Variants in LRP1B observed in about 807,000 individuals in gnomAD.
The protein encoded by LRP1B is LDL receptor related protein 1B, also known as low-density lipoprotein receptor-related protein 1B.
LRP1B carries 217 observed loss-of-function variants against 556.6 expected under a neutral mutation model. The ratio of observed to expected loss-of-function variants is 0.39; its 90% confidence interval spans 0.35 to 0.44. The LOEUF is 0.44. Ranked by LOEUF, LRP1B falls within the 20% of genes least tolerant of loss-of-function variation. The pLI is 1.00. For missense variants in LRP1B, 5,053 were observed against 5,620.8 expected, an observed-to-expected ratio of 0.90 and a Z score of 3.23; for synonymous variants, 2,047 against 1,865.8, an observed-to-expected ratio of 1.10 and a Z score of -2.50.
chr2:141,902,826 T>C (rs1286785948), intron 1 of LRP1B, among the ~76,000 whole-genome samples: 1 of 152,004 alleles, frequency 6.6e-6, no homozygotes, highest in Admixed American at 6.6e-5. Flanking sequence ...TTATTAAAAC[T>C]CTGCAGTAAC....
intron 35 of LRP1B, among the ~76,000 whole-genome samples, chr2:140,725,200 T>C (rs1396010175): frequency 6.6e-6 from 1 of 152,226 alleles, no homozygotes; most frequent in Non-Finnish European, 1.5e-5. Flanking sequence ...CAAAAATTAC[T>C]CTTTTAAAGA....
intron 12 of LRP1B, among the ~76,000 whole-genome samples, chr2:141,017,886 A>G (rs1265983410): frequency 6.6e-6 from 1 of 151,844 alleles, no homozygotes; most frequent in African/African-American, 2.4e-5. Context: ...AATTCCAGCT[A>G]GTCTCAAAGC....
chr2:141,579,533 T>C (rs1005715827), intron 2 of LRP1B, among the ~76,000 whole-genome samples: 1 of 152,080 alleles, frequency 6.6e-6, no homozygotes, highest in Non-Finnish European at 1.5e-5. Flanking sequence ...ATTGCATTAA[T>C]ATGGCATGTA....
At chr2:140,809,492 T>G (rs1108599) in intron 32 of LRP1B, among the ~76,000 whole-genome samples, 1,534 of 152,312 alleles carry the variant, frequency 0.01, 23 homozygotes, top group African/African-American at 0.036. Context: ...ACTCAGATCC[T>G]ACTTAACATT....
intron 79 of LRP1B, among the ~76,000 whole-genome samples, chr2:140,327,333 C>T (rs927494312): frequency 2.6e-5 from 4 of 152,158 alleles, no homozygotes; most frequent in African/African-American, 7.2e-5. Flanking sequence ...CACATGTAAT[C>T]GAACTAAATA....
intron 41 of LRP1B, among the ~76,000 whole-genome samples, chr2:140,605,804 A>G (rs1034374310): frequency 1.3e-5 from 2 of 152,036 alleles, no homozygotes; most frequent in Admixed American, 6.6e-5. Context: ...ACAAAATTCA[A>G]TAACCTTTCA....
chr2:141,083,169 A>T (rs1489977358), intron 7 of LRP1B, among the ~76,000 whole-genome samples: 2 of 152,228 alleles, frequency 1.3e-5, no homozygotes, highest in African/African-American at 4.8e-5. Context: ...AGTCTCCATG[A>T]ATCTTTCATC....
chr2:141,122,016 TA>T (rs1402606119), intron 7 of LRP1B, among the ~76,000 whole-genome samples: 1 of 152,140 alleles, frequency 6.6e-6, no homozygotes, highest in East Asian at 1.9e-4. Flanking sequence ...ATTCCCTATT[TA>T]ATAAATGGTC....
chr2:142,066,614 CCTA>C (rs766688598), intron 1 of LRP1B, among the ~76,000 whole-genome samples: 4 of 151,378 alleles, frequency 2.6e-5, no homozygotes, highest in African/African-American at 4.8e-5. Flanking sequence ...GTATGTTTTC[CCTA>C]CCACACTCTT....
intron 1 of LRP1B, among the ~76,000 whole-genome samples, chr2:142,084,975 T>A (rs1705859056): frequency 1.3e-5 from 2 of 152,214 alleles, no homozygotes; most frequent in African/African-American, 4.8e-5. Flanking sequence ...TTACAATCTG[T>A]CAATGGTTCC....
At chr2:140,429,728 C>T (rs1243156870) in intron 66 of LRP1B, among the ~76,000 whole-genome samples, 5 of 152,142 alleles carry the variant, frequency 3.3e-5, no homozygotes, top group Non-Finnish European at 5.9e-5. Flanking sequence ...ACCCTGTAGC[C>T]TTTCTGTCCA....
chr2:140,600,767 GTTTTTTT>G (rs61336155), intron 42 of LRP1B, among the ~76,000 whole-genome samples: 24 of 56,908 alleles, frequency 4.2e-4, no homozygotes, highest in Middle Eastern at 0.011. Flanking sequence ...GTTCTTCGGG[GTTTTTTT>G]TTTTTTTTTT....
chr2:140,539,421 G>T, intron 45 of LRP1B, among the ~76,000 whole-genome samples: 1 of 152,088 alleles, frequency 6.6e-6, no homozygotes, highest in East Asian at 1.9e-4. Context: ...ACAACAGATT[G>T]TGAGCTCTGG....
chr2:141,189,524 C>T (rs954734823), intron 6 of LRP1B, among the ~76,000 whole-genome samples: 13 of 152,078 alleles, frequency 8.5e-5, no homozygotes, highest in African/African-American at 2.4e-4. Context: ...GTAACTGCTG[C>T]TAATAGGAGT....
Position 141,056,205 on chromosome 2 carries a change from T to C in LRP1B, c.1409-946A>G, listed in dbSNP as rs117813837. ...TTTACTAATTTTTTCCTGCCAAGAG[T>C]GTTATTGTTATTTTCCAACCTGACT... On this transcript the variant is annotated intron_variant, in intron 9 of 90. Transcript: ENST00000389484. 1.8e-3 allele frequency among the ~76,000 whole-genome samples: 273 copies of C among 151,884 alleles called. 4 individuals are homozygous for C. Among genetic ancestry groups the C allele is most frequent in the East Asian group, 0.015 (78 of 5,108 alleles).
chr2:141,540,597 A>T (rs970388412), intron 2 of LRP1B, among the ~76,000 whole-genome samples: 4 of 152,044 alleles, frequency 2.6e-5, no homozygotes, highest in African/African-American at 7.2e-5. Context: ...GGGCAACGTG[A>T]TTGTAAAATG....
intron 2 of LRP1B, among the ~76,000 whole-genome samples, chr2:141,737,984 A>G (rs2105533959): frequency 6.6e-6 from 1 of 152,244 alleles, no homozygotes; most frequent in African/African-American, 2.4e-5. Context: ...AAATTCAGTT[A>G]GAAGAACTGT....
chr2:140,695,352 TG>T (rs1384904608), intron 41 of LRP1B, among the ~76,000 whole-genome samples: 2 of 152,086 alleles, frequency 1.3e-5, no homozygotes, highest in African/African-American at 4.8e-5. Context: ...GCAGTTTCTG[TG>T]GCCTCTAAGC....
intron 14 of LRP1B, among the ~76,000 whole-genome samples, chr2:141,008,315 C>T (rs1216244675): frequency 1.3e-5 from 2 of 151,164 alleles, no homozygotes; most frequent in Non-Finnish European, 3.0e-5. Context: ...GGTTTTATCT[C>T]ATTTGCAAGT....
Sources: allele counts gnomAD v4.1 joint callset (sites outside exome capture counted in the v4.1 genomes callset), GRCh38; gene constraint gnomAD v4.1.1; transcripts MANE v1.5; gene names NCBI Gene and HGNC (gene_info 2026-07-23, HGNC 2026-07-21).